Variants in ACER2 observed in about 807,000 individuals in gnomAD.
ACER2 encodes alkaline ceramidase 2.
Under a neutral mutation model 34.7 loss-of-function variants are expected in ACER2, and 26 were observed. The observed-to-expected ratio is 0.75, with a 90% CI of 0.55 to 1.04. ACER2 has a LOEUF of 1.04. Among genes scored for constraint, ACER2 ranks in the 50% least tolerant of loss-of-function variants. The pLI, the probability that ACER2 is intolerant of heterozygous loss-of-function variation, is 0.00. For synonymous variants in ACER2, 138 were observed against 132.1 expected, an observed-to-expected ratio of 1.04 and a Z score of -0.31; for missense variants, 352 against 340.8, an observed-to-expected ratio of 1.03 and a Z score of -0.26.
At chr9:19,426,130 TGA>T (rs987274252) in intron 3 of ACER2, among the ~76,000 whole-genome samples, 3 of 151,822 alleles carry the variant, frequency 2.0e-5, no homozygotes, top group African/African-American at 7.3e-5. Context: ...GCCTGGGAGG[TGA>T]GGACACCTAA....
chr9:19,412,077 G>C (rs778946348), intron 1 of ACER2, among the ~76,000 whole-genome samples: 5 of 152,148 alleles, frequency 3.3e-5, no homozygotes, highest in Non-Finnish European at 7.3e-5. Flanking sequence ...AACTAACTTA[G>C]ATTTATCTAT....
intron 5 of ACER2, among the ~76,000 whole-genome samples, chr9:19,448,156 A>G (rs936974537): frequency 1.3e-5 from 2 of 152,000 alleles, no homozygotes; most frequent in African/African-American, 4.8e-5. Context: ...CTACAGGTGC[A>G]TGCCACTGTG....
At chr9:19,440,884 C>G (rs765505588) in intron 4 of ACER2, among the ~76,000 whole-genome samples, 1 of 152,120 alleles carries the variant, frequency 6.6e-6, no homozygotes, top group African/African-American at 2.4e-5. Flanking sequence ...TTCAACTTGA[C>G]CAAACCCAGA....
At chr9:19,447,962 C>G (rs1312362301) in intron 5 of ACER2, among the ~76,000 whole-genome samples, 1 of 113,492 alleles carries the variant, frequency 8.8e-6, no homozygotes, top group African/African-American at 2.7e-5. Context: ...ATATATATGT[C>G]TACTTTTAAA....
intron 1 of ACER2, 84 bp downstream of exon 1, chr9:19,409,276 G>A (rs540752079): frequency 1.5e-6 from 2 of 1,356,206 alleles, no homozygotes; most frequent in East Asian, 5.0e-5. Context: ...GCTGGACGTG[G>A]GTCTCTGCGC....
At chr9:19,429,379 T>C (rs1436580503) in intron 3 of ACER2, among the ~76,000 whole-genome samples, 3 of 152,204 alleles carry the variant, frequency 2.0e-5, no homozygotes, top group Non-Finnish European at 4.4e-5. Context: ...TTGCCCAGGC[T>C]GGAGTGCAGT....
At chr9:19,446,812 C>A (rs760539778) in intron 5 of ACER2, among the ~76,000 whole-genome samples, 1 of 152,022 alleles carries the variant, frequency 6.6e-6, no homozygotes, top group Non-Finnish European at 1.5e-5. Context: ...GTGGGAACCC[C>A]ACCTTTAGGG....
chr9:19,441,360 A>G (rs1204805537), intron 4 of ACER2, among the ~76,000 whole-genome samples: 2 of 151,866 alleles, frequency 1.3e-5, no homozygotes, highest in African/African-American at 4.8e-5. Context: ...GAGCACAGTC[A>G]TTTTTCTACC....
At position 19,426,930 on chromosome 9, in the gene ACER2, GTGA is replaced by G. The variant is rs1830589179; in HGVS notation, c.365+2090_365+2092del. Among the ~76,000 whole-genome samples the G allele has an allele frequency of 2.0e-5, 3 of 152,246 alleles. No homozygotes were observed. In the South Asian group the frequency reaches 6.2e-4, roughly 32 times the overall value. ...AGCATATTGTGAGGCAGAGTTGTCT[GTGA>G]CTATTGGGACTTTTTCATCACCAGC... On this transcript the variant is annotated intron_variant, in intron 3 of 5. Transcript: ENST00000340967.
intron 4 of ACER2, among the ~76,000 whole-genome samples, chr9:19,441,272 A>G (rs1206096411): frequency 6.6e-6 from 1 of 152,100 alleles, no homozygotes; most frequent in Non-Finnish European, 1.5e-5. Context: ...GATGGTCTCA[A>G]TCTGCTGACC....
intron 5 of ACER2, among the ~76,000 whole-genome samples, chr9:19,449,659 G>A (rs1326513653): frequency 1.3e-5 from 2 of 152,046 alleles, no homozygotes; most frequent in East Asian, 3.9e-4. Context: ...CGAGGCAGGT[G>A]GATTACCTGA....
intron 4 of ACER2, chr9:19,446,046 T>C (rs1263373970): frequency 1.4e-6 from 1 of 702,250 alleles, no homozygotes; most frequent in Non-Finnish European, 2.6e-6. Context: ...TGTAGTTGGG[T>C]GTATGAGTCT....
At chr9:19,421,595 A>G (rs1016088232) in intron 1 of ACER2, among the ~76,000 whole-genome samples, 5 of 152,162 alleles carry the variant, frequency 3.3e-5, no homozygotes, top group African/African-American at 9.7e-5. Flanking sequence ...GGGCTGAGGG[A>G]GGGAGAAATG....
intron 1 of ACER2, among the ~76,000 whole-genome samples, chr9:19,411,992 T>C (rs368977205): frequency 6.6e-6 from 1 of 152,220 alleles, no homozygotes; most frequent in Non-Finnish European, 1.5e-5. Flanking sequence ...GTCAAGAGCA[T>C]AGCACAGCTG....
At chr9:19,435,702 A>C (rs986888828) in intron 4 of ACER2, among the ~76,000 whole-genome samples, 1 of 151,502 alleles carries the variant, frequency 6.6e-6, no homozygotes, top group African/African-American at 2.4e-5. Context: ...CAGTGAGCTG[A>C]GATCACACTG....
intron 5 of ACER2, among the ~76,000 whole-genome samples, chr9:19,448,879 G>A (rs772153636): frequency 6.6e-6 from 1 of 152,064 alleles, no homozygotes; most frequent in Non-Finnish European, 1.5e-5. Flanking sequence ...GGTGGCTCAC[G>A]CCCGTAATCT....
chr9:19,444,394 A>C (rs927775671), intron 4 of ACER2, among the ~76,000 whole-genome samples: 1 of 151,978 alleles, frequency 6.6e-6, no homozygotes, highest in Non-Finnish European at 1.5e-5. Flanking sequence ...TTGTATTTTT[A>C]GTAGAGACGA....
chr9:19,411,487 G>A (rs567966000), intron 1 of ACER2, among the ~76,000 whole-genome samples: 3 of 152,188 alleles, frequency 2.0e-5, no homozygotes, highest in Non-Finnish European at 2.9e-5. Context: ...AGGTTCAAGC[G>A]ATCCTCCCAA....
intron 4 of ACER2, 132 bp from the exon 5 acceptor site, chr9:19,446,149 T>G (rs1831351894): frequency 8.0e-7 from 1 of 1,254,590 alleles, no homozygotes; most frequent in Non-Finnish European, 1.2e-6. Context: ...AGTGACTGTG[T>G]GTTGGGTAAG....
Sources: allele counts gnomAD v4.1 joint callset (sites outside exome capture counted in the v4.1 genomes callset), GRCh38; gene constraint gnomAD v4.1.1; transcripts MANE v1.5; gene names NCBI Gene and HGNC (gene_info 2026-07-23, HGNC 2026-07-21).